Variants in ADGRA3 observed in about 807,000 individuals in gnomAD.
The protein encoded by ADGRA3 is adhesion G protein-coupled receptor A3, also known as G-protein coupled receptor 125.
Under a neutral mutation model 119.8 loss-of-function variants are expected in ADGRA3, and 56 were observed. The observed-to-expected ratio is 0.47, with a 90% CI of 0.38 to 0.58. The LOEUF (loss-of-function observed/expected upper bound fraction) is 0.58. ADGRA3 is among the 20% of genes least tolerant of loss of function. The pLI is 0.00. For synonymous variants in ADGRA3, 607 were observed against 623.8 expected, an observed-to-expected ratio of 0.97 and a Z score of 0.40; for missense variants, 1,516 against 1,649.0, an observed-to-expected ratio of 0.92 and a Z score of 1.40.
Position 22,413,603 on chromosome 4 carries a change from A to G in ADGRA3, c.2021T>C (p.Ile674Thr), listed in dbSNP as rs1715306367. ...TVVTPVILTK[I>T]DGVNVDTHHI... ...GATAACATATGCCACATACAAACCT[A>G]TTTTGGTGAGAATCACAGGGGTAAC... Residue 674 changes from isoleucine (I) to threonine (T), a missense_variant and splice_region_variant, in exon 13 of 19, where the codon ATA becomes ACA. Around this residue, in one of 2 missense-constraint regions of ADGRA3, gnomAD observed 1,088 missense variants for 1,107.1 expected, o/e 0.98. Coordinates refer to ENST00000334304, the MANE Select transcript of ADGRA3 (RefSeq NM_145290.4). 1 of 1,613,228 alleles carries G rather than the reference A, an allele frequency of 6.2e-7. No homozygotes were observed.
chr4:22,445,543 C>T (rs573148655), intron 5 of ADGRA3, among the ~76,000 whole-genome samples: 2 of 152,168 alleles, frequency 1.3e-5, no homozygotes, highest in Non-Finnish European at 2.9e-5. Flanking sequence ...ACCATCATTG[C>T]CACATTCTTG....
At chr4:22,509,328 C>T (rs1211329980) in intron 1 of ADGRA3, among the ~76,000 whole-genome samples, 1 of 151,824 alleles carries the variant, frequency 6.6e-6, no homozygotes, top group Non-Finnish European at 1.5e-5. Flanking sequence ...TGGTGAAACC[C>T]CATCTCTACT....
rs776558396 is a variant in ADGRA3 at position 22,435,369 on chromosome 4, A to G, written c.1385T>C (p.Phe462Ser). The stretch of plus-strand genomic sequence containing the variant: ...AAATTTTTCAATCATTTCTGCCACA[A>G]ATATAACATCCATTTTGTCAGAAAA... ...ANFSDKMDVI[F>S]VAEMIEKFGR... The change falls in exon 10 of 19, where the codon TTT (phenylalanine) becomes TCT (serine). Residue 462 changes from phenylalanine to serine, a missense_variant. Transcript: ENST00000334304. 1 of 1,613,580 alleles carries G rather than the reference A, an allele frequency of 6.2e-7. No individual in the cohort carries two copies.
intron 1 of ADGRA3, among the ~76,000 whole-genome samples, chr4:22,506,554 AAAAC>A (rs201527846): frequency 0.011 from 1,653 of 152,208 alleles, 22 homozygotes; most frequent in East Asian, 0.064. Flanking sequence ...CCCTATCTCA[AAAAC>A]AAACAAACAA....
chr4:22,401,403 TCCA>T (rs1453677857), intron 16 of ADGRA3, 25 bp downstream of exon 16: 7 of 1,567,860 alleles, frequency 4.5e-6, no homozygotes, highest in Admixed American at 3.6e-5. Flanking sequence ...AGTAATTTTT[TCCA>T]TTTCGGTTTT....
At chr4:22,401,313 T>C (rs933696704) in intron 16 of ADGRA3, 118 bp downstream of exon 16, 49 of 884,782 alleles carry the variant, frequency 5.5e-5, no homozygotes, top group Non-Finnish European at 6.4e-5. Context: ...AGACAATAAA[T>C]TTAACTTTAA....
At chr4:22,424,375 A>C in intron 10 of ADGRA3, 23 bp from the exon 11 acceptor site, 3 of 1,603,400 alleles carry the variant, frequency 1.9e-6, no homozygotes, top group Non-Finnish European at 2.6e-6. Flanking sequence ...CAGGAGAAAA[A>C]AGAAAGATCT....
At chr4:22,476,684 T>C (rs578126540) in intron 1 of ADGRA3, among the ~76,000 whole-genome samples, 4 of 151,734 alleles carry the variant, frequency 2.6e-5, no homozygotes, top group South Asian at 4.2e-4. Context: ...TTTTTTTTTT[T>C]AGACGTAGTC....
intron 11 of ADGRA3, among the ~76,000 whole-genome samples, chr4:22,422,148 G>A (rs187671320): frequency 5.3e-5 from 8 of 152,142 alleles, no homozygotes; most frequent in East Asian, 1.9e-4. Context: ...AGGATTTACC[G>A]TAAATTCTAG....
Position 22,447,448 on chromosome 4 carries a change from T to C in ADGRA3, c.537A>G (p.Leu179=), listed in dbSNP as rs761312424. 7 of 1,553,802 alleles carry C rather than the reference T, an allele frequency of 4.5e-6. No homozygotes were observed. In the East Asian group the frequency reaches 1.4e-4, roughly 30 times the overall value. ...AAAAAATTCTTACTTACAAAGACCG[T>C]AATGACGCAAGATAATCAAAAGTTC... The part of the protein sequence containing the change: ...SQGTFDYLAS[L]RSLEFQTEYL... The change falls in exon 5 of 19, where the codon TTA becomes TTG. Residue 179 remains leucine, a synonymous_variant. Transcript: ENST00000334304.
chr4:22,430,892 C>T (rs115492962), intron 10 of ADGRA3, among the ~76,000 whole-genome samples: 6,126 of 152,228 alleles, frequency 0.04, 209 homozygotes, highest in East Asian at 0.19. Context: ...TGTATCCCAG[C>T]TGCTCCAGCC....
chr4:22,479,789 T>G (rs1418563033), intron 1 of ADGRA3, among the ~76,000 whole-genome samples: 1 of 151,810 alleles, frequency 6.6e-6, no homozygotes, highest in African/African-American at 2.4e-5. Flanking sequence ...ATGTGGCACA[T>G]GTACACCATG....
At chr4:22,470,786 A>T (rs954851469) in intron 2 of ADGRA3, among the ~76,000 whole-genome samples, 1 of 152,178 alleles carries the variant, frequency 6.6e-6, no homozygotes, top group Non-Finnish European at 1.5e-5. Context: ...GCACCAGCAG[A>T]AAAGTGGGAA....
intron 1 of ADGRA3, among the ~76,000 whole-genome samples, chr4:22,506,299 T>A (rs1216944248): frequency 6.6e-6 from 1 of 152,158 alleles, no homozygotes; most frequent in Non-Finnish European, 1.5e-5. Flanking sequence ...ATGCCTGTAA[T>A]CCCAGCACTT....
In ADGRA3 at chr4:22,447,445, C is replaced by A. The variant is rs1016586989; in HGVS notation, c.540G>T (p.Arg180=). ...QGTFDYLASL[R]SLEFQTEYLL... The stretch of plus-strand genomic sequence containing the variant: ...AGAAAAAAATTCTTACTTACAAAGA[C>A]CGTAATGACGCAAGATAATCAAAAG... The change falls in exon 5 of 19, where the codon CGG becomes CGT. Residue 180 remains arginine (R), a synonymous_variant. Coordinates refer to ENST00000334304, the MANE Select transcript of ADGRA3 (RefSeq NM_145290.4). 4.6e-6 allele frequency: 7 copies of A among 1,523,566 alleles called. No homozygotes were observed. The highest frequency in any genetic ancestry group is 4.3e-5 in the African/African-American group (3 of 70,324). 94.4% of individuals were successfully genotyped at this position (1,523,566 alleles called of 1,614,324 possible).
rs1357724786 is a variant in ADGRA3, at chr4:22,449,592, A to T, written c.474-2081T>A. Among the ~76,000 whole-genome samples the T allele has an allele frequency of 3.3e-5, 5 of 152,172 alleles. 1 individual carries two copies. The highest frequency in any genetic ancestry group is 2.0e-4 in the Admixed American group (3 of 15,280). ...GCCAGGTGCAGTGGCCCACACTTGT[A>T]ATCCAGCACTTTGGGAGGCCAAGGT... On this transcript the variant is annotated intron_variant, in intron 4 of 18. Coordinates refer to ENST00000334304, the MANE Select transcript of ADGRA3 (RefSeq NM_145290.4).
chr4:22,480,682 T>C (rs73802828), intron 1 of ADGRA3, among the ~76,000 whole-genome samples: 4,863 of 152,302 alleles, frequency 0.032, 263 homozygotes, highest in African/African-American at 0.11. Context: ...TATATACTTA[T>C]ACAGCAAAAT....
chr4:22,408,119 T>G, intron 14 of ADGRA3, among the ~76,000 whole-genome samples: 1 of 152,110 alleles, frequency 6.6e-6, no homozygotes, highest in East Asian at 1.9e-4. Flanking sequence ...TTAAAGATTT[T>G]ATTCTCCCTA....
intron 4 of ADGRA3, among the ~76,000 whole-genome samples, chr4:22,450,378 G>T (rs1171183708): frequency 6.6e-6 from 1 of 151,630 alleles, no homozygotes; most frequent in Non-Finnish European, 1.5e-5. Context: ...TGATTCTCAT[G>T]CCTCAGCCTC....
Sources: gnomAD v4.1 joint callset for allele counts (sites outside exome capture counted in the v4.1 genomes callset) on GRCh38, gnomAD v4.1.1 for gene constraint, gnomAD v4.1.1 regional missense constraint, MANE v1.5 for transcripts, NCBI Gene and HGNC (gene_info 2026-07-23, HGNC 2026-07-21) for gene names.